SYT12: variants seen among roughly 807,000 people sequenced by gnomAD.
SYT12 encodes the protein synaptotagmin 12, also known as synaptotagmin-12.
In SYT12, 27 loss-of-function variants were observed where a neutral mutation model predicts 39.5. The ratio of observed to expected loss-of-function variants is 0.68; its 90% CI spans 0.50 to 0.94. SYT12 has a LOEUF of 0.94. Ranked by LOEUF, SYT12 falls within the 40% of genes least tolerant of loss-of-function variation. SYT12 has a pLI of 0.00. For missense variants in SYT12, 536 were observed against 572.6 expected, an observed-to-expected ratio of 0.94 and a Z score of 0.65; for synonymous variants, 233 against 239.7, an observed-to-expected ratio of 0.97 and a Z score of 0.26.
chr11:67,039,792 C>G lies in SYT12; in HGVS notation c.229-19C>G. On this transcript the variant is annotated intron_variant, in intron 3 of 7. Coordinates refer to ENST00000527043, the MANE Select transcript of SYT12 (RefSeq NM_177963.4). Reference sequence around the variant, plus strand: ...TATGGCCCCCATGATGCTCCCACGTCCCTCTTTCTCACCCCTAGAGAGTGC... The same window carrying G: ...TATGGCCCCCATGATGCTCCCACGTGCCTCTTTCTCACCCCTAGAGAGTGC... The G allele has an allele frequency of 6.3e-7, 1 of 1,589,606 alleles. No individual in the cohort carries two copies.
At chr11:67,035,243 A>G (rs1189345864) in intron 3 of SYT12, among the ~76,000 whole-genome samples, 1 of 150,746 alleles carries the variant, frequency 6.6e-6, no homozygotes, top group Non-Finnish European at 1.5e-5. Flanking sequence ...TCCTGACCTC[A>G]GGTGATCCAC....
intron 3 of SYT12, among the ~76,000 whole-genome samples, chr11:67,039,592 C>A (rs2136224774): frequency 6.6e-6 from 1 of 152,266 alleles, no homozygotes; most frequent in Non-Finnish European, 1.5e-5. Context: ...CCAGCCTGGG[C>A]AACAAGAGCA....
exon 2 of SYT12, chr11:67,009,997 T>TA (rs1025791651): frequency 2.0e-5 from 3 of 152,262 alleles, no homozygotes; most frequent in African/African-American, 7.2e-5. Flanking sequence ...CTGCATCGAG[T>TA]AAAAGCATGG....
Position 67,034,851 on chromosome 11 carries a change from C to T in SYT12, c.228+13C>T, listed in dbSNP as rs886703993. On this transcript the variant is annotated intron_variant, in intron 3 of 7. Coordinates refer to ENST00000527043, the MANE Select transcript of SYT12 (RefSeq NM_177963.4). ...GGCCAGGGAGAAGGTGAGGCTTCTG[C>T]TCCTGCAGGTGCACAGCGAGTGCAA... The T allele has an allele frequency of 6.6e-7, 1 of 1,518,352 alleles. No individual in the cohort carries two copies. Among genetic ancestry groups the T allele is most frequent in the Non-Finnish European group, 8.8e-7 (1 of 1,138,646 alleles). 94.1% of individuals were successfully genotyped at this position (1,518,352 alleles called of 1,614,324 possible).
chr11:67,048,470 G>A, intron 7 of SYT12, 114 bp from the exon 8 acceptor site: 1 of 1,125,870 alleles, frequency 8.9e-7, no homozygotes, highest in Admixed American at 2.3e-5. Flanking sequence ...TGAGGATTCA[G>A]GGAGCTGTGC....
At chr11:67,014,814 G>A (rs114575977) in intron 3 of SYT12, among the ~76,000 whole-genome samples, 321 of 152,230 alleles carry the variant, frequency 2.1e-3, no homozygotes, top group African/African-American at 7.3e-3. Flanking sequence ...TCCCTGTCCT[G>A]CCCTCCAGGG....
intron 2 of SYT12, among the ~76,000 whole-genome samples, chr11:67,010,400 G>C (rs1294028873): frequency 1.3e-5 from 2 of 152,188 alleles, no homozygotes; most frequent in Non-Finnish European, 2.9e-5. Context: ...GGCCCCAAGG[G>C]CTGGGCAGGA....
chr11:67,026,513 T>TCCG (rs1266382775), intron 1 of SYT12: 1 of 152,170 alleles, frequency 6.6e-6, no homozygotes, highest in Non-Finnish European at 1.5e-5. Flanking sequence ...ACTCAGGTGA[T>TCCG]CCGCCTGCCT....
intron 4 of SYT12, among the ~76,000 whole-genome samples, chr11:67,042,799 G>A (rs1391040790): frequency 6.6e-6 from 1 of 152,208 alleles, no homozygotes; most frequent in Non-Finnish European, 1.5e-5. Context: ...AGGGGATTGT[G>A]TAGGGAACGT....
chr11:67,021,323 C>CTTTTTTTTTTTTTTTTTTTT (rs369425531), upstream of SYT12, among the ~76,000 whole-genome samples: 1 of 145,882 alleles, frequency 6.9e-6, no homozygotes, highest in African/African-American at 2.5e-5. Flanking sequence ...CTCAACTTTG[C>CTTTTTTTTTTTTTTTTTTTT]TTTTTTTTTT....
intron 1 of SYT12, chr11:67,027,966 T>C (rs573840026): frequency 6.6e-6 from 1 of 152,372 alleles, no homozygotes; most frequent in South Asian, 2.1e-4. Flanking sequence ...AGGACCACCT[T>C]GGGCAGGTAC....
chr11:67,029,988 C>T, intron 1 of SYT12, 134 bp from the exon 2 acceptor site: 1 of 670,366 alleles, frequency 1.5e-6, no homozygotes, highest in Non-Finnish European at 2.5e-6. Context: ...TGCCAAGCCT[C>T]CCTTTGGTGG....
chr11:67,048,768 G>A lies in SYT12; in HGVS notation c.*11G>A, dbSNP rs781599405. ...GTCCGGCGAAACTAGCAACCAGGGC[G>A]GGCCAGTTGGGCAATGGAGCTGCTG... is the stretch of plus-strand genomic sequence containing the variant. On this transcript the variant is annotated 3_prime_UTR_variant, in exon 8 of 8. Transcript: ENST00000527043. 24 of 1,586,828 alleles carry A rather than the reference G, an allele frequency of 1.5e-5. No homozygotes were observed. The South Asian group carries it at 1.5e-4, about 10-fold the overall frequency.
At chr11:67,034,888 T>C (rs775134089) in intron 3 of SYT12, 50 bp downstream of exon 3, 1 of 1,398,592 alleles carries the variant, frequency 7.2e-7, no homozygotes, top group Non-Finnish European at 9.5e-7. Context: ...CCCATGCCCC[T>C]ACCATCCACT....
chr11:67,012,293 C>G (rs973177277), intron 3 of SYT12, among the ~76,000 whole-genome samples: 4 of 152,008 alleles, frequency 2.6e-5, no homozygotes, highest in African/African-American at 9.7e-5. Flanking sequence ...ATCGCTTGAA[C>G]CCGGGAGGCG....
chr11:67,047,777 CTTTTTTTTT>C (rs1173796349), intron 7 of SYT12, among the ~76,000 whole-genome samples: 1,900 of 75,958 alleles, frequency 0.025, 66 homozygotes, highest in African/African-American at 0.11. Flanking sequence ...ACCCCCATCT[CTTTTTTTTT>C]TTTTTTTTTT....
At chr11:67,013,568 T>C (rs566925459) in intron 3 of SYT12, among the ~76,000 whole-genome samples, 2 of 151,316 alleles carry the variant, frequency 1.3e-5, no homozygotes, top group East Asian at 3.9e-4. Flanking sequence ...CCTTCGAGGC[T>C]CCTGGCCCAC....
Position 67,045,658 on chromosome 11 carries a change from G to T in SYT12, c.959-86G>T. ...CACAGCAACAGTTAAGCATTGGGGA[G>T]TTTGGAGTCGGTGGGTGGAGCCAAA... On this transcript the variant is annotated intron_variant, in intron 6 of 7. Transcript: ENST00000527043. 1.9e-6 allele frequency: 3 copies of T among 1,551,770 alleles called. No homozygotes were observed. The East Asian group carries it at 7.0e-5, about 36-fold the overall frequency.
intron 6 of SYT12, 80 bp downstream of exon 6, chr11:67,044,793 G>C: frequency 6.3e-7 from 1 of 1,582,058 alleles, no homozygotes; most frequent in East Asian, 2.3e-5. Context: ...TGGGCACCCG[G>C]AGGCATCGGC....
Sources: gnomAD v4.1 joint callset for allele counts (sites outside exome capture counted in the v4.1 genomes callset) on GRCh38, gnomAD v4.1.1 for gene constraint, MANE v1.5 for transcripts, NCBI Gene and HGNC (gene_info 2026-07-23, HGNC 2026-07-21) for gene names.